The following CNTNAP2 variants were observed in gnomAD, a reference collection of about 807,000 sequenced individuals.
CNTNAP2 encodes the protein contactin-associated protein-like 2.
In CNTNAP2, 98 loss-of-function variants were observed where a neutral mutation model predicts 155.2. The observed-to-expected ratio is 0.63, with a 90% CI of 0.54 to 0.75. The LOEUF (loss-of-function observed/expected upper bound fraction) is 0.75, where lower values mean the gene tolerates loss of function less well. Among genes scored for constraint, CNTNAP2 ranks in the 30% least tolerant of loss-of-function variants. The pLI, the probability that CNTNAP2 is intolerant of heterozygous loss-of-function variation, is 0.00. For synonymous variants in CNTNAP2, 651 were observed against 631.2 expected (o/e 1.03, Z -0.47); for missense variants, 1,727 against 1,688.1 (o/e 1.02, Z -0.40).
chr7:147,104,607 G>A (rs1243155377), intron 4 of CNTNAP2, among the ~76,000 whole-genome samples: 1 of 151,092 alleles, frequency 6.6e-6, no homozygotes, highest in Non-Finnish European at 1.5e-5. Context: ...AGTAACTCTT[G>A]AATATTTATT....
At chr7:147,374,109 T>C (rs960647501) in intron 9 of CNTNAP2, among the ~76,000 whole-genome samples, 2 of 152,054 alleles carry the variant, frequency 1.3e-5, no homozygotes, top group African/African-American at 4.8e-5. Context: ...ATATTGCATT[T>C]GGATTGGAAA....
At chr7:146,805,612 C>T (rs1802953862) in intron 2 of CNTNAP2, among the ~76,000 whole-genome samples, 4 of 151,990 alleles carry the variant, frequency 2.6e-5, no homozygotes, top group Admixed American at 2.6e-4. Flanking sequence ...GTTAATTTGC[C>T]CCACTTGGGT....
At chr7:148,095,163 T>TC (rs1282482001) in intron 15 of CNTNAP2, among the ~76,000 whole-genome samples, 1 of 152,132 alleles carries the variant, frequency 6.6e-6, no homozygotes, top group South Asian at 2.1e-4. Context: ...AGTCCTGTTT[T>TC]CCCCAGAGAC....
intron 9 of CNTNAP2, among the ~76,000 whole-genome samples, chr7:147,322,133 T>A (rs1795363279): frequency 6.6e-6 from 1 of 152,126 alleles, no homozygotes; most frequent in South Asian, 2.1e-4. Context: ...GAAAAAAGCA[T>A]CAAAAGATAT....
Position 147,350,585 on chromosome 7 carries a change from T to C in CNTNAP2, c.1499-45024T>C, listed in dbSNP as rs184341768. Among the ~76,000 whole-genome samples, 247 of 152,050 alleles carry C rather than the reference T, an allele frequency of 1.6e-3. 1 individual carries two copies. Among genetic ancestry groups the C allele is most frequent in the Admixed American group, 2.5e-3 (38 of 15,254 alleles). ...CCCATTTTGTGTGTGTGTGCACGTG[T>C]GACTTAGGCTGTTTTTCCTGACATT... On this transcript the variant is annotated intron_variant, in intron 9 of 23. Coordinates refer to ENST00000361727, the MANE Select transcript of CNTNAP2 (RefSeq NM_014141.6).
chr7:147,477,811 G>A (rs1798348545), intron 10 of CNTNAP2, among the ~76,000 whole-genome samples: 1 of 152,044 alleles, frequency 6.6e-6, no homozygotes, highest in Non-Finnish European at 1.5e-5. Context: ...TTAACTTCTT[G>A]ATAAGAAACC....
Position 147,132,237 on chromosome 7 carries a change from T to C in CNTNAP2, c.1084-8T>C, listed in dbSNP as rs1451561916. The C allele has an allele frequency of 6.2e-7, 1 of 1,613,518 alleles. No individual in the cohort carries two copies. The highest frequency in any genetic ancestry group is 8.5e-7 in the Non-Finnish European group (1 of 1,179,624). ...GTTTTCCTCAGAGCCTGTCTTTCTA[T>C]TTTACAGGGAAATTTGAGCTTTTCT... is the stretch of plus-strand genomic sequence containing the variant. On this transcript the variant is annotated splice_polypyrimidine_tract_variant and splice_region_variant and intron_variant, in intron 7 of 23. Coordinates refer to ENST00000361727, the MANE Select transcript of CNTNAP2 (RefSeq NM_014141.6).
At chr7:146,746,664 T>C (rs1244793463) in intron 1 of CNTNAP2, among the ~76,000 whole-genome samples, 3 of 152,150 alleles carry the variant, frequency 2.0e-5, no homozygotes, top group Non-Finnish European at 4.4e-5. Flanking sequence ...CTTCCCCCTA[T>C]GAAAATGCTT....
intron 1 of CNTNAP2, among the ~76,000 whole-genome samples, chr7:146,717,543 T>G (rs1418716837): frequency 6.6e-6 from 1 of 151,992 alleles, no homozygotes; most frequent in Non-Finnish European, 1.5e-5. Flanking sequence ...AAGAAGCATC[T>G]GACAATAATT....
At chr7:147,526,391 C>T (rs1799320479) in intron 11 of CNTNAP2, among the ~76,000 whole-genome samples, 1 of 152,048 alleles carries the variant, frequency 6.6e-6, no homozygotes, top group African/African-American at 2.4e-5. Context: ...GCAGTATATT[C>T]TCCTAGTCTA....
intron 4 of CNTNAP2, among the ~76,000 whole-genome samples, chr7:147,092,193 C>G (rs1800421640): frequency 1.3e-5 from 2 of 152,214 alleles, no homozygotes; most frequent in Admixed American, 1.3e-4. Flanking sequence ...GGCACTGTAT[C>G]AAATGTATCC....
chr7:148,191,309 G>A (rs141028998), intron 18 of CNTNAP2, among the ~76,000 whole-genome samples: 2 of 151,874 alleles, frequency 1.3e-5, no homozygotes, highest in East Asian at 3.9e-4. Context: ...CCCTCTCTCT[G>A]TGTCCTCTTC....
chr7:147,983,243 A>G (rs935904853), intron 15 of CNTNAP2, among the ~76,000 whole-genome samples: 1 of 152,102 alleles, frequency 6.6e-6, no homozygotes, highest in Non-Finnish European at 1.5e-5. Context: ...AATTCTCCTT[A>G]TTGAGAGGAA....
At chr7:147,600,401 C>G (rs761810517) in intron 12 of CNTNAP2, among the ~76,000 whole-genome samples, 1 of 152,174 alleles carries the variant, frequency 6.6e-6, no homozygotes, top group East Asian at 1.9e-4. Context: ...TTCAACTCTG[C>G]CTTTGTAGTG....
intron 8 of CNTNAP2, among the ~76,000 whole-genome samples, chr7:147,164,155 C>T (rs762380245): frequency 6.6e-6 from 1 of 152,096 alleles, no homozygotes; most frequent in Non-Finnish European, 1.5e-5. Context: ...ATTTCATTCT[C>T]CTATTTTGGT....
chr7:146,853,029 A>G (rs1794909675), intron 3 of CNTNAP2, among the ~76,000 whole-genome samples: 1 of 152,230 alleles, frequency 6.6e-6, no homozygotes, highest in Admixed American at 6.5e-5. Context: ...AATTTATCAT[A>G]AAGTCATTCA....
intron 8 of CNTNAP2, among the ~76,000 whole-genome samples, chr7:147,190,938 A>T (rs1434355230): frequency 1.3e-5 from 2 of 152,180 alleles, no homozygotes; most frequent in African/African-American, 2.4e-5. Flanking sequence ...TCCTGGTGTA[A>T]GCCCATTATG....
chr7:148,105,838 C>T (rs903078977), intron 15 of CNTNAP2, among the ~76,000 whole-genome samples: 11 of 152,318 alleles, frequency 7.2e-5, no homozygotes, highest in African/African-American at 2.2e-4. Context: ...CCACCCACCT[C>T]GGCCTCCCAA....
intron 12 of CNTNAP2, among the ~76,000 whole-genome samples, chr7:147,596,776 G>T (rs1350468740): frequency 6.6e-6 from 1 of 152,124 alleles, no homozygotes; most frequent in African/African-American, 2.4e-5. Context: ...GTCACAGGAT[G>T]GAATAGGAGG....
Sources: gnomAD v4.1 joint callset for allele counts (sites outside exome capture counted in the v4.1 genomes callset) on GRCh38, gnomAD v4.1.1 for gene constraint, MANE v1.5 for transcripts, NCBI Gene and HGNC (gene_info 2026-07-23, HGNC 2026-07-21) for gene names.